The following UTRN variants were observed in gnomAD, a reference collection of about 807,000 sequenced individuals.
The protein encoded by UTRN is dystrophin-related protein 1.
A neutral mutation model predicts 463.9 loss-of-function variants in UTRN; 283 were observed. The ratio of observed to expected loss-of-function variants is 0.61; its 90% CI spans 0.55 to 0.67. The LOEUF (loss-of-function observed/expected upper bound fraction) is 0.67. Among genes scored for constraint, UTRN ranks in the 30% least tolerant of loss-of-function variants. UTRN has a pLI of 0.00. For missense variants in UTRN, 3,922 were observed against 4,084.3 expected, an observed-to-expected ratio of 0.96 and a Z score of 1.08; for synonymous variants, 1,442 against 1,431.5, an observed-to-expected ratio of 1.01 and a Z score of -0.17.
chr6:144,446,286 G>C (rs1331065451), intron 14 of UTRN, among the ~76,000 whole-genome samples: 1 of 152,042 alleles, frequency 6.6e-6, no homozygotes. Flanking sequence ...TGTGTGTACT[G>C]TCTACATGTT....
intron 2 of UTRN, among the ~76,000 whole-genome samples, chr6:144,301,237 A>G (rs1334680569): frequency 6.6e-6 from 1 of 152,216 alleles, no homozygotes; most frequent in Non-Finnish European, 1.5e-5. Flanking sequence ...CCTTAATTAT[A>G]TATTAACTCC....
chr6:144,765,953 T>C (rs1254063812), intron 58 of UTRN, among the ~76,000 whole-genome samples: 2 of 152,124 alleles, frequency 1.3e-5, no homozygotes, highest in Non-Finnish European at 2.9e-5. Flanking sequence ...TTTCTAAAAG[T>C]ATATCTTTGG....
intron 51 of UTRN, among the ~76,000 whole-genome samples, chr6:144,617,163 C>G (rs1208759819): frequency 6.6e-6 from 1 of 152,170 alleles, no homozygotes; most frequent in African/African-American, 2.4e-5. Context: ...TGTCTTCCAT[C>G]TGTCTGCACA....
chr6:144,397,320 C>T (rs1242056596), intron 2 of UTRN, among the ~76,000 whole-genome samples: 1 of 152,048 alleles, frequency 6.6e-6, no homozygotes, highest in African/African-American at 2.4e-5. Flanking sequence ...TGTAGACATT[C>T]TAGGATCCCA....
At chr6:144,583,462 A>T in intron 51 of UTRN, 1 of 698,938 alleles carries the variant, frequency 1.4e-6, no homozygotes, top group South Asian at 1.5e-5. Context: ...TTATAATGCA[A>T]ATTCTGAGGT....
intron 2 of UTRN, among the ~76,000 whole-genome samples, chr6:144,300,549 T>G (rs1805145186): frequency 6.6e-6 from 1 of 152,258 alleles, no homozygotes; most frequent in Admixed American, 6.5e-5. Context: ...GAAGGGATCT[T>G]TATTTCTTCT....
At chr6:144,376,453 CAA>C (rs745601567) in intron 2 of UTRN, among the ~76,000 whole-genome samples, 17 of 114,634 alleles carry the variant, frequency 1.5e-4, no homozygotes, top group South Asian at 2.8e-4. Context: ...CACTCTGTCT[CAA>C]AAAAAAAAAA....
At chr6:144,509,274 C>A (rs1173934007) in intron 34 of UTRN, among the ~76,000 whole-genome samples, 2 of 151,974 alleles carry the variant, frequency 1.3e-5, no homozygotes, top group Admixed American at 1.3e-4. Context: ...TCCTACATAT[C>A]TATTTTTATT....
intron 2 of UTRN, among the ~76,000 whole-genome samples, chr6:144,312,423 CAA>C (rs59056805): frequency 3.0e-4 from 26 of 85,944 alleles, no homozygotes; most frequent in Admixed American, 2.7e-4. Context: ...GACTCCATCT[CAA>C]AAAAAAAAAA....
At chr6:144,669,154 G>T (rs932287342) in intron 51 of UTRN, among the ~76,000 whole-genome samples, 1 of 152,102 alleles carries the variant, frequency 6.6e-6, no homozygotes, top group Non-Finnish European at 1.5e-5. Flanking sequence ...AACTAATATG[G>T]ATAGTTATGC....
At chr6:144,559,718 A>G (rs1165752237) in intron 50 of UTRN, among the ~76,000 whole-genome samples, 1 of 152,038 alleles carries the variant, frequency 6.6e-6, no homozygotes, top group African/African-American at 2.4e-5. Context: ...TTCCCATGAA[A>G]TTTTAATACC....
chr6:144,594,994 T>G (rs1803491617), intron 51 of UTRN, among the ~76,000 whole-genome samples: 1 of 152,192 alleles, frequency 6.6e-6, no homozygotes, highest in Non-Finnish European at 1.5e-5. Context: ...TTAAATGCTA[T>G]GTAAATCATA....
intron 58 of UTRN, among the ~76,000 whole-genome samples, chr6:144,766,384 T>G (rs1793348816): frequency 6.6e-6 from 1 of 152,152 alleles, no homozygotes; most frequent in Non-Finnish European, 1.5e-5. Flanking sequence ...AGTTGGGAGC[T>G]CGTGCTTGAT....
intron 50 of UTRN, among the ~76,000 whole-genome samples, chr6:144,565,911 G>A (rs553842014): frequency 6.6e-6 from 1 of 152,084 alleles, no homozygotes; most frequent in African/African-American, 2.4e-5. Flanking sequence ...AAGGTTAAGA[G>A]AGTCGATTGA....
Position 144,451,414 on chromosome 6 carries a change from G to A in UTRN, c.2117G>A (p.Trp706Ter). The change falls in exon 18 of 75, where the codon TGG becomes TAG. Residue 706 changes from tryptophan (W) to a stop codon, truncating the protein, a stop_gained. Transcript: ENST00000367545. LOFTEE classifies it high-confidence loss of function. ...SAELLNWILK[W>*]KTAIQTTEIK... ...GAGCTGTTGAACTGGATTTTGAAAT[G>A]GAAAACTGCCATTCAGACCACAGAG... is the stretch of plus-strand genomic sequence containing the variant. 6.2e-7 allele frequency: 1 copy of A among 1,613,324 alleles called. No homozygotes were observed. Among genetic ancestry groups the A allele is most frequent in the Non-Finnish European group, 8.5e-7 (1 of 1,179,804 alleles).
chr6:144,490,183 A>G lies in UTRN; in HGVS notation c.4247A>G (p.Gln1416Arg), dbSNP rs77066116. The G allele has an allele frequency of 8.8e-3, 14,130 of 1,609,830 alleles. 69 individuals carry two copies. The highest frequency in any genetic ancestry group is 9.9e-3 in the Non-Finnish European group (11,681 of 1,178,606). Residue 1416 changes from glutamine to arginine, a missense_variant, in exon 31 of 75, where the codon CAG becomes CGG. Physicochemically the swap from Gln to Arg is conservative, Grantham distance 43. Coordinates refer to ENST00000367545, the MANE Select transcript of UTRN (RefSeq NM_007124.3). ...AGTAGGACTGCCAGAGGAGGAAGTC[A>G]GATGGATGTGCTACAGGTAAAGAAG... The part of the protein sequence containing the change: ...PESRTARGGS[Q>R]MDVLQRKLRE...
intron 23 of UTRN, among the ~76,000 whole-genome samples, chr6:144,468,805 C>T (rs951088615): frequency 6.6e-6 from 1 of 152,106 alleles, no homozygotes; most frequent in Non-Finnish European, 1.5e-5. Flanking sequence ...GATGAGCAGA[C>T]TTTTGGTATG....
At chr6:144,461,123 T>G in intron 21 of UTRN, 74 bp from the exon 22 acceptor site, 1 of 1,276,636 alleles carries the variant, frequency 7.8e-7, no homozygotes, top group South Asian at 2.2e-5. Flanking sequence ...TGGAATTCAT[T>G]TAGGATAATG....
intron 61 of UTRN, among the ~76,000 whole-genome samples, chr6:144,788,298 A>G (rs1013307195): frequency 2.0e-5 from 3 of 152,342 alleles, no homozygotes; most frequent in East Asian, 3.9e-4. Context: ...CTGCATTGAC[A>G]GAAAATTAAC....
Sources: gnomAD v4.1 joint callset for allele counts (sites outside exome capture counted in the v4.1 genomes callset) on GRCh38, gnomAD v4.1.1 for gene constraint, MANE v1.5 for transcripts, NCBI Gene and HGNC (gene_info 2026-07-23, HGNC 2026-07-21) for gene names.